The following FGD5 variants were observed in gnomAD, a reference collection of about 807,000 sequenced individuals.
FGD5 encodes FYVE, RhoGEF and PH domain-containing protein 5.
In FGD5, 28 loss-of-function variants were observed where a neutral mutation model predicts 133.4. That is an observed-to-expected ratio of 0.21 (90% CI 0.16 to 0.29). The LOEUF is 0.29. Ranked by LOEUF, FGD5 falls within the 10% of genes least tolerant of loss-of-function variation. FGD5 has a pLI of 1.00. For synonymous variants in FGD5, 810 were observed against 776.5 expected, an observed-to-expected ratio of 1.04 and a Z score of -0.72; for missense variants, 1,858 against 1,895.2, an observed-to-expected ratio of 0.98 and a Z score of 0.36.
intron 4 of FGD5, among the ~76,000 whole-genome samples, chr3:14,883,780 G>T (rs1196869725): frequency 6.6e-6 from 1 of 152,224 alleles, no homozygotes. Context: ...ATTACTCCAT[G>T]TAAGTATAAT....
upstream of FGD5, among the ~76,000 whole-genome samples, chr3:14,818,602 C>T (rs1293454910): frequency 6.6e-6 from 1 of 152,150 alleles, no homozygotes; most frequent in East Asian, 1.9e-4. Flanking sequence ...AGCCTTTTCC[C>T]ATGGTTGCTG....
chr3:14,906,119 C>G (rs1350991863), intron 9 of FGD5, among the ~76,000 whole-genome samples: 1 of 152,156 alleles, frequency 6.6e-6, no homozygotes, highest in African/African-American at 2.4e-5. Context: ...ATTCTTGCTC[C>G]ATATTCAGCT....
At chr3:14,889,530 C>T (rs1162837304) in intron 4 of FGD5, among the ~76,000 whole-genome samples, 3 of 152,114 alleles carry the variant, frequency 2.0e-5, no homozygotes, top group Non-Finnish European at 4.4e-5. Context: ...ACCATAAACA[C>T]CTGAAGTCAT....
intron 18 of FGD5, 34 bp from the exon 19 acceptor site, chr3:14,932,543 G>A (rs1559511462): frequency 3.7e-6 from 6 of 1,601,798 alleles, no homozygotes; most frequent in Admixed American, 3.5e-5. Context: ...AGAGTGTGGT[G>A]TTTAATGTCA....
At chr3:14,920,121 G>A (rs576623932) in intron 13 of FGD5, among the ~76,000 whole-genome samples, 87 of 152,136 alleles carry the variant, frequency 5.7e-4, no homozygotes, top group African/African-American at 1.9e-3. Flanking sequence ...TCAAGCTCTC[G>A]GGGGCTTGGA....
intron 4 of FGD5, among the ~76,000 whole-genome samples, chr3:14,883,651 T>A (rs1298759898): frequency 6.6e-6 from 1 of 152,246 alleles, no homozygotes. Context: ...GGCACTGAAA[T>A]AGGCCTTGGA....
intron 2 of FGD5, among the ~76,000 whole-genome samples, chr3:14,873,620 C>T (rs2037652749): frequency 1.3e-5 from 2 of 152,152 alleles, no homozygotes; most frequent in South Asian, 4.1e-4. Flanking sequence ...ATCACAATCA[C>T]AGTCACTCTC....
At chr3:14,911,071 A>C (rs901386626) in intron 11 of FGD5, 142 bp downstream of exon 11, 1 of 735,072 alleles carries the variant, frequency 1.4e-6, no homozygotes, top group African/African-American at 1.8e-5. Context: ...CATTCTGGAC[A>C]GCTGAGAGCT....
Position 14,932,586 on chromosome 3 carries a change from G to A in FGD5, c.4207G>A (p.Ala1403Thr). ...YTYMASEDKV[A>T]LESMPLLGFT... ...CTTCTGTCCTCTGCAGGACAAAGTG[G>A]CCTTGGAGAGTATGCCTCTGCTAGG... Residue 1403 changes from alanine (A) to threonine (T), a missense_variant, in exon 19 of 20, where the codon GCC becomes ACC. Around this residue, in one of 3 missense-constraint regions of FGD5, gnomAD observed 1,824 missense variants for 1,848.9 expected, o/e 0.99. Coordinates refer to ENST00000285046, the MANE Select transcript of FGD5 (RefSeq NM_152536.4). 1.9e-6 allele frequency: 3 copies of A among 1,613,438 alleles called. No homozygotes were observed. The highest frequency in any genetic ancestry group is 8.5e-7 in the Non-Finnish European group (1 of 1,179,638).
intron 1 of FGD5, among the ~76,000 whole-genome samples, chr3:14,834,431 G>A (rs2036775676): frequency 1.3e-5 from 2 of 152,182 alleles, no homozygotes; most frequent in Non-Finnish European, 2.9e-5. Flanking sequence ...AAAGAATTTA[G>A]TAAGAGCCTG....
chr3:14,856,983 A>C (rs2037292891), intron 1 of FGD5, among the ~76,000 whole-genome samples: 1 of 152,214 alleles, frequency 6.6e-6, no homozygotes, highest in Non-Finnish European at 1.5e-5. Flanking sequence ...AAAAGATAAA[A>C]GCTAACAGTA....
chr3:14,933,194 CA>C lies in FGD5; in HGVS notation c.*30del. On this transcript the variant is annotated 3_prime_UTR_variant, in exon 20 of 20. Transcript: ENST00000285046. ...AGTTATCAAGCATGTGGACTTGTAA[CA>C]AATTCTTAGGTCAATATGTGAATGC... 1.9e-6 allele frequency: 3 copies of C among 1,611,198 alleles called. No homozygotes were observed. The highest frequency in any genetic ancestry group is 2.5e-6 in the Non-Finnish European group (3 of 1,178,612).
chr3:14,841,231 C>T (rs2036915447), intron 1 of FGD5, among the ~76,000 whole-genome samples: 1 of 152,114 alleles, frequency 6.6e-6, no homozygotes, highest in South Asian at 2.1e-4. Context: ...TCAGCCGGGC[C>T]CATCTGAGAT....
chr3:14,831,771 C>T (rs2036713421), intron 1 of FGD5, among the ~76,000 whole-genome samples: 1 of 152,192 alleles, frequency 6.6e-6, no homozygotes, highest in South Asian at 2.1e-4. Context: ...TCAGCTAGTA[C>T]TCTAGTACAA....
At chr3:14,924,829 C>T (rs1431687382) in intron 17 of FGD5, among the ~76,000 whole-genome samples, 9 of 152,086 alleles carry the variant, frequency 5.9e-5, no homozygotes, top group East Asian at 1.9e-4. Flanking sequence ...CGGCCGGGCG[C>T]GGTGGCTCAC....
chr3:14,904,093 A>T (rs1407902424), intron 9 of FGD5, among the ~76,000 whole-genome samples: 2 of 152,180 alleles, frequency 1.3e-5, no homozygotes, highest in Non-Finnish European at 2.9e-5. Context: ...TAGCAACAGG[A>T]TTTACCACTG....
At chr3:14,843,452 C>T (rs890025841) in intron 1 of FGD5, among the ~76,000 whole-genome samples, 1 of 152,152 alleles carries the variant, frequency 6.6e-6, no homozygotes, top group Non-Finnish European at 1.5e-5. Flanking sequence ...CCTTTAGACG[C>T]TCTCTCAGGG....
intron 1 of FGD5, among the ~76,000 whole-genome samples, chr3:14,846,167 C>T (rs2037047886): frequency 6.6e-6 from 1 of 152,178 alleles, no homozygotes; most frequent in Admixed American, 6.5e-5. Context: ...GTGGCTGGTG[C>T]AATCTTCACA....
intron 1 of FGD5, among the ~76,000 whole-genome samples, chr3:14,863,833 A>G (rs151225733): frequency 2.6e-5 from 4 of 152,280 alleles, no homozygotes; most frequent in African/African-American, 9.6e-5. Flanking sequence ...CAGATTCAAC[A>G]TCTTCTGCCC....
Sources: allele counts gnomAD v4.1 joint callset (sites outside exome capture counted in the v4.1 genomes callset), GRCh38; gene constraint gnomAD v4.1.1; regional missense constraint gnomAD v4.1.1; transcripts MANE v1.5; gene names NCBI Gene and HGNC (gene_info 2026-07-23, HGNC 2026-07-21).